The following KCNN2 variants were observed in gnomAD, a reference collection of about 807,000 sequenced individuals.
KCNN2 encodes potassium calcium-activated channel subfamily N member 2.
KCNN2 carries 24 observed loss-of-function variants against 55.5 expected under a neutral mutation model. The ratio of observed to expected loss-of-function variants is 0.43; its 90% confidence interval spans 0.31 to 0.61. KCNN2 has a LOEUF of 0.61. KCNN2 is among the 20% of genes least tolerant of loss of function. The pLI is 0.08. For missense variants in KCNN2, 754 were observed against 853.6 expected (o/e 0.88, Z 1.45); for synonymous variants, 431 against 336.1 (o/e 1.28, Z -3.09).
intron 2 of KCNN2, among the ~76,000 whole-genome samples, chr5:114,326,890 A>T (rs577957395): frequency 5.3e-4 from 80 of 152,282 alleles, no homozygotes; most frequent in African/African-American, 1.9e-3. Flanking sequence ...GTGTATTCTG[A>T]CTTGGAATAG....
intron 3 of KCNN2, among the ~76,000 whole-genome samples, chr5:114,441,618 G>A (rs926093522): frequency 6.6e-6 from 1 of 152,074 alleles, no homozygotes; most frequent in African/African-American, 2.4e-5. Flanking sequence ...TATGAGGGTG[G>A]CATCCTTTCA....
chr5:114,483,550 A>G (rs1225374860), intron 5 of KCNN2, among the ~76,000 whole-genome samples: 1 of 152,148 alleles, frequency 6.6e-6, no homozygotes, highest in Non-Finnish European at 1.5e-5. Context: ...TGCTGGGATT[A>G]CAAACATGAG....
At chr5:114,064,275 T>C (rs1750393470) in intron 1 of KCNN2, among the ~76,000 whole-genome samples, 1 of 152,366 alleles carries the variant, frequency 6.6e-6, no homozygotes, top group East Asian at 1.9e-4. Context: ...TTATTTCCCA[T>C]CCCTTTGGGT....
intron 3 of KCNN2, among the ~76,000 whole-genome samples, chr5:114,439,362 T>C (rs1215191317): frequency 6.6e-6 from 1 of 151,480 alleles, no homozygotes; most frequent in African/African-American, 2.4e-5. Flanking sequence ...TGGTATATAA[T>C]CTCACACCCC....
chr5:114,099,338 A>G (rs972571445), intron 1 of KCNN2, among the ~76,000 whole-genome samples: 10 of 152,088 alleles, frequency 6.6e-5, no homozygotes, highest in African/African-American at 1.9e-4. Flanking sequence ...GAAAAGCGTT[A>G]CTCCCACTTC....
At chr5:114,486,949 C>G in intron 5 of KCNN2, 101 bp from the exon 6 acceptor site, 1 of 1,385,928 alleles carries the variant, frequency 7.2e-7, no homozygotes, top group Non-Finnish European at 1.0e-6. Flanking sequence ...AATGAAGCTA[C>G]AGCTCACCAT....
chr5:114,192,976 A>G (rs145517257), intron 1 of KCNN2, among the ~76,000 whole-genome samples: 382 of 152,184 alleles, frequency 2.5e-3, no homozygotes, highest in African/African-American at 8.7e-3. Flanking sequence ...AACTGTGCCC[A>G]TTGGATTAGA....
chr5:114,402,079 T>C (rs1398116147), intron 2 of KCNN2, among the ~76,000 whole-genome samples: 1 of 152,128 alleles, frequency 6.6e-6, no homozygotes, highest in Non-Finnish European at 1.5e-5. Flanking sequence ...TTGGTTAATA[T>C]TGTGGGGACA....
chr5:114,432,766 C>T lies in KCNN2; in HGVS notation c.1637+27910C>T, dbSNP rs557216890. On this transcript the variant is annotated intron_variant, in intron 3 of 7. Transcript: ENST00000673685. ...GGGTGGGCGTGGGCTTGGCAGGCCG[C>T]GCACGCCGAGCAGCCGGCCAGCCCT... Among the ~76,000 whole-genome samples, 642 of 152,286 alleles carry T rather than the reference C, an allele frequency of 4.2e-3. 8 individuals carry two copies. The highest frequency in any genetic ancestry group is 0.011 in the African/African-American group (450 of 41,574).
intron 2 of KCNN2, among the ~76,000 whole-genome samples, chr5:114,300,411 A>G (rs1756130828): frequency 6.6e-6 from 1 of 152,216 alleles, no homozygotes; most frequent in South Asian, 2.1e-4. Context: ...ATCATAATTA[A>G]AGCAATTACA....
chr5:114,467,550 A>T (rs780985621), intron 4 of KCNN2, among the ~76,000 whole-genome samples: 63 of 152,122 alleles, frequency 4.1e-4, no homozygotes, highest in Admixed American at 9.2e-4. Context: ...AAGAGAGTAT[A>T]TCTTTAAGTT....
chr5:114,210,827 A>G (rs1014550324), intron 1 of KCNN2, among the ~76,000 whole-genome samples: 8 of 152,144 alleles, frequency 5.3e-5, no homozygotes, highest in Non-Finnish European at 1.0e-4. Flanking sequence ...ACTATTTCTT[A>G]TCTAGAAACG....
chr5:114,173,479 T>TGA (rs1314309926), intron 1 of KCNN2, among the ~76,000 whole-genome samples: 5 of 130,444 alleles, frequency 3.8e-5, no homozygotes, highest in Admixed American at 7.8e-5. Flanking sequence ...TGTGTGTGTG[T>TGA]GTGATTCCCC....
At chr5:114,397,381 A>G (rs181599021) in intron 2 of KCNN2, among the ~76,000 whole-genome samples, 1 of 152,024 alleles carries the variant, frequency 6.6e-6, no homozygotes, top group African/African-American at 2.4e-5. Context: ...CCTCACCAGC[A>G]TCTGTTAGTT....
In KCNN2 at chr5:114,496,303, G is replaced by C; in HGVS notation, c.*121G>C. On this transcript the variant is annotated 3_prime_UTR_variant, in exon 8 of 8. Coordinates refer to ENST00000673685, the MANE Select transcript of KCNN2 (RefSeq NM_021614.4). ...ATCCGGGTTCTGATGTCAGAATCCTGGGAACCTGAACACTAAGTTTTAGGC... is the reference window on the plus strand; with the variant it reads ...ATCCGGGTTCTGATGTCAGAATCCTCGGAACCTGAACACTAAGTTTTAGGC... 1 of 1,119,438 alleles carries C rather than the reference G, an allele frequency of 8.9e-7. No homozygotes were observed. Among genetic ancestry groups the C allele is most frequent in the Non-Finnish European group, 1.2e-6 (1 of 804,778 alleles). The allele number at this position is 1,119,438 out of a possible 1,614,324, so 69.3% of individuals were successfully genotyped here.
intron 2 of KCNN2, among the ~76,000 whole-genome samples, chr5:114,304,253 A>C (rs1756224057): frequency 6.6e-6 from 1 of 152,166 alleles, no homozygotes; most frequent in Admixed American, 6.5e-5. Flanking sequence ...TCAGCTGGCT[A>C]TAAGACAGTT....
chr5:114,437,483 A>C (rs368361003), intron 3 of KCNN2, among the ~76,000 whole-genome samples: 4 of 152,130 alleles, frequency 2.6e-5, no homozygotes, highest in East Asian at 3.8e-4. Flanking sequence ...TGTAGTGAAG[A>C]CTCAATAGTT....
At chr5:114,303,372 A>T (rs1756207533) in intron 2 of KCNN2, among the ~76,000 whole-genome samples, 1 of 152,216 alleles carries the variant, frequency 6.6e-6, no homozygotes, top group African/African-American at 2.4e-5. Flanking sequence ...AAGGGCTGTG[A>T]TTGGAACACA....
chr5:114,221,343 T>A (rs1041795201), intron 1 of KCNN2, among the ~76,000 whole-genome samples: 1 of 152,258 alleles, frequency 6.6e-6, no homozygotes, highest in Non-Finnish European at 1.5e-5. Flanking sequence ...TGACAATATA[T>A]GCTAGGAGGT....
Sources: gnomAD v4.1 joint callset for allele counts (sites outside exome capture counted in the v4.1 genomes callset) on GRCh38, gnomAD v4.1.1 for gene constraint, MANE v1.5 for transcripts, NCBI Gene and HGNC (gene_info 2026-07-23, HGNC 2026-07-21) for gene names.